Variants in IL1R2 observed in about 807,000 individuals in gnomAD.
IL1R2 encodes interleukin-1 receptor type 2.
Under a neutral mutation model 39.5 loss-of-function variants are expected in IL1R2, and 46 were observed. That is an observed-to-expected ratio of 1.16 (90% CI 0.92 to 1.49). The LOEUF is 1.49. Ranked by LOEUF, IL1R2 falls within the 40% of genes most tolerant of loss-of-function variation. The pLI is 0.00. For synonymous variants in IL1R2, 207 were observed against 189.6 expected (o/e 1.09, Z -0.75); for missense variants, 537 against 502.0 (o/e 1.07, Z -0.67).
At position 102,028,368 on chromosome 2, in the gene IL1R2, A is replaced by G; in HGVS notation, c.1173A>G (p.Gln391=). Residue 391 remains glutamine, a synonymous_variant, in exon 9 of 9, where the codon CAA becomes CAG. Transcript: ENST00000332549. ...TGACTGTGCTATGGCCTCATCATCA[A>G]GACTTTCAATCCTATCCCAAGTGAA... is the stretch of plus-strand genomic sequence containing the variant. ...DGLTVLWPHH[Q]DFQSYPK 1 of 1,603,138 alleles carries G rather than the reference A, an allele frequency of 6.2e-7. No individual in the cohort carries two copies. Among genetic ancestry groups the G allele is most frequent in the Non-Finnish European group, 8.5e-7 (1 of 1,174,396 alleles).
chr2:102,007,861 G>A (rs1414041237), intron 1 of IL1R2, among the ~76,000 whole-genome samples: 2 of 152,216 alleles, frequency 1.3e-5, no homozygotes, highest in Non-Finnish European at 2.9e-5. Context: ...GTGGCTACCT[G>A]TGGAGAATTT....
chr2:101,994,054 G>A (rs1030140244), intron 1 of IL1R2, among the ~76,000 whole-genome samples: 1 of 152,128 alleles, frequency 6.6e-6, no homozygotes, highest in African/African-American at 2.4e-5. Flanking sequence ...GCACAGACAC[G>A]GGAGAGTGCC....
chr2:102,017,628 C>T (rs767073926), intron 4 of IL1R2, among the ~76,000 whole-genome samples: 4 of 151,926 alleles, frequency 2.6e-5, no homozygotes, highest in East Asian at 1.9e-4. Flanking sequence ...CACAAGCCAA[C>T]GATAGTTGTC....
At chr2:102,024,456 G>A (rs1444581675) in intron 6 of IL1R2, 77 bp from the exon 7 acceptor site, 24 of 1,002,262 alleles carry the variant, frequency 2.4e-5, no homozygotes, top group Non-Finnish European at 3.5e-5. Flanking sequence ...AGCCGAGGAG[G>A]GACTCAGGGC....
At chr2:101,996,485 GTTTTTT>G (rs11382814) in intron 1 of IL1R2, among the ~76,000 whole-genome samples, 3 of 82,406 alleles carry the variant, frequency 3.6e-5, no homozygotes, top group South Asian at 5.0e-4. Context: ...TGTTTTCAGT[GTTTTTT>G]TTTTTTTTTT....
At chr2:101,994,691 T>A (rs1675507155) in intron 1 of IL1R2, among the ~76,000 whole-genome samples, 1 of 152,244 alleles carries the variant, frequency 6.6e-6, no homozygotes, top group Non-Finnish European at 1.5e-5. Flanking sequence ...ACAAGGGCCT[T>A]TTGAGATGGT....
At chr2:102,007,877 A>G (rs1367703686) in intron 1 of IL1R2, among the ~76,000 whole-genome samples, 1 of 152,232 alleles carries the variant, frequency 6.6e-6, no homozygotes, top group East Asian at 1.9e-4. Context: ...AATTTTTAAA[A>G]TCTTTTATCT....
At chr2:102,021,575 A>C (rs1265205423) in intron 5 of IL1R2, among the ~76,000 whole-genome samples, 1 of 151,890 alleles carries the variant, frequency 6.6e-6, no homozygotes, top group Non-Finnish European at 1.5e-5. Flanking sequence ...CGGCCTCCCA[A>C]AGTGCCGGGA....
chr2:102,016,119 C>A, intron 4 of IL1R2, 68 bp downstream of exon 4: 1 of 1,265,150 alleles, frequency 7.9e-7, no homozygotes, highest in Non-Finnish European at 1.1e-6. Flanking sequence ...AAAAGAAAGA[C>A]TTAAAATATC....
At chr2:102,008,097 C>G (rs1292421996) in intron 1 of IL1R2, among the ~76,000 whole-genome samples, 1 of 152,076 alleles carries the variant, frequency 6.6e-6, no homozygotes, top group Non-Finnish European at 1.5e-5. Context: ...GGAAGGAAAA[C>G]ATGGAGTATT....
chr2:102,020,196 A>T (rs1441733197), intron 5 of IL1R2, among the ~76,000 whole-genome samples: 2 of 152,192 alleles, frequency 1.3e-5, no homozygotes, highest in Non-Finnish European at 2.9e-5. Flanking sequence ...AGGATACTTC[A>T]ATTTTATTGG....
chr2:102,020,282 G>C (rs1377540301), intron 5 of IL1R2, among the ~76,000 whole-genome samples: 2 of 152,222 alleles, frequency 1.3e-5, no homozygotes, highest in Non-Finnish European at 2.9e-5. Context: ...GGTGGGTCTA[G>C]CTGCCCTTAA....
At chr2:101,993,551 T>C (rs1675445737) in intron 1 of IL1R2, among the ~76,000 whole-genome samples, 1 of 152,114 alleles carries the variant, frequency 6.6e-6, no homozygotes, top group Non-Finnish European at 1.5e-5. Context: ...GATCTCTCTG[T>C]CTGTCTTTGT....
intron 1 of IL1R2, among the ~76,000 whole-genome samples, chr2:102,003,408 G>C (rs1676041751): frequency 7.2e-6 from 1 of 138,092 alleles, no homozygotes; most frequent in African/African-American, 2.8e-5. Context: ...CTGTGTCTTT[G>C]TCCCCTGTCT....
At chr2:102,018,766 C>G (rs913056864) in intron 4 of IL1R2, among the ~76,000 whole-genome samples, 5 of 152,148 alleles carry the variant, frequency 3.3e-5, no homozygotes, top group Admixed American at 1.3e-4. Flanking sequence ...GGCCAGTTCC[C>G]ATACACCACT....
Position 102,023,143 on chromosome 2 carries a change from C to T in IL1R2, c.751+894C>T, listed in dbSNP as rs534614312. ...ACTCATTTATGAAACCCTGGCTGCA[C>T]AGTCTTTTAAAAAACAATTTATTTG... On this transcript the variant is annotated intron_variant, in intron 6 of 8. Transcript: ENST00000332549. 3.9e-5 allele frequency among the ~76,000 whole-genome samples: 6 copies of T among 152,356 alleles called. No homozygotes were observed. The South Asian group carries it at 1.2e-3, about 32-fold the overall frequency.
At position 102,019,634 on chromosome 2, in the gene IL1R2, T is replaced by G. The variant is rs370676394; in HGVS notation, c.514-4T>G. 1.5e-5 allele frequency: 24 copies of G among 1,605,386 alleles called. No individual in the cohort carries two copies. In the African/African-American group the frequency reaches 2.7e-4, roughly 18 times the overall value. ...GTCAACTTAAAAAAACATTTTCCCT[T>G]AAGGATTCTCTTCTTTTGGATAAAG... is the stretch of plus-strand genomic sequence containing the variant. On this transcript the variant is annotated splice_region_variant and splice_polypyrimidine_tract_variant and intron_variant, in intron 4 of 8. Coordinates refer to ENST00000332549, the MANE Select transcript of IL1R2 (RefSeq NM_004633.4).
chr2:102,017,398 GA>G (rs56358561), intron 4 of IL1R2, among the ~76,000 whole-genome samples: 31,389 of 113,218 alleles, frequency 0.28, 3,980 homozygotes, highest in East Asian at 0.36. Context: ...CTCCATCTCA[GA>G]AAAAAAAAAA....
intron 3 of IL1R2, among the ~76,000 whole-genome samples, chr2:102,011,201 G>C (rs1030053910): frequency 1.3e-5 from 2 of 152,180 alleles, no homozygotes; most frequent in African/African-American, 2.4e-5. Context: ...TATGAACATG[G>C]ATGTGAAGAT....
Sources: allele counts gnomAD v4.1 joint callset (sites outside exome capture counted in the v4.1 genomes callset), GRCh38; gene constraint gnomAD v4.1.1; transcripts MANE v1.5; gene names NCBI Gene and HGNC (gene_info 2026-07-23, HGNC 2026-07-21).